The following PTPRM variants were observed in gnomAD, a reference collection of about 807,000 sequenced individuals.
PTPRM encodes receptor-type tyrosine-protein phosphatase mu.
A neutral mutation model predicts 186.7 loss-of-function variants in PTPRM; 47 were observed. That is an observed-to-expected ratio of 0.25 (90% CI 0.20 to 0.32). The LOEUF (loss-of-function observed/expected upper bound fraction) is 0.32. PTPRM is among the 10% of genes least tolerant of loss of function. The pLI is 1.00. For synonymous variants in PTPRM, 668 were observed against 674.9 expected (o/e 0.99, Z 0.16); for missense variants, 1,494 against 1,865.0 (o/e 0.80, Z 3.66).
intron 7 of PTPRM, among the ~76,000 whole-genome samples, chr18:7,962,648 T>C (rs113166752): frequency 7.9e-5 from 12 of 152,220 alleles, no homozygotes; most frequent in African/African-American, 2.9e-4. Flanking sequence ...AAGCCCAAAC[T>C]GCACCATGCC....
chr18:8,376,260 C>T, intron 25 of PTPRM, 60 bp downstream of exon 25: 1 of 1,584,944 alleles, frequency 6.3e-7, no homozygotes, highest in Non-Finnish European at 8.6e-7. Context: ...GCAGGGCCAC[C>T]TTTGGGGATG....
chr18:7,628,282 T>C (rs1043824152), intron 1 of PTPRM, among the ~76,000 whole-genome samples: 3 of 152,184 alleles, frequency 2.0e-5, no homozygotes, highest in African/African-American at 7.2e-5. Flanking sequence ...CACATTAATA[T>C]CAAAGCAGTA....
chr18:7,780,755 G>A lies in PTPRM; in HGVS notation c.196+6484G>A, dbSNP rs1036546173. On this transcript the variant is annotated intron_variant, in intron 2 of 32. Transcript: ENST00000580170. ...CATGGTGGGAAGTGCCAAGAGTGCTGAAGAGGAATCAGGATAAGGGCTTAG... is the reference window on the plus strand; with the variant it reads ...CATGGTGGGAAGTGCCAAGAGTGCTAAAGAGGAATCAGGATAAGGGCTTAG... Among the ~76,000 whole-genome samples, 10 of 152,286 alleles carry A rather than the reference G, an allele frequency of 6.6e-5. No homozygotes were observed. In the East Asian group the frequency reaches 1.5e-3, roughly 24 times the overall value.
At chr18:7,867,693 G>A (rs537324430) in intron 2 of PTPRM, among the ~76,000 whole-genome samples, 16 of 152,204 alleles carry the variant, frequency 1.1e-4, no homozygotes, top group South Asian at 8.3e-4. Flanking sequence ...TGCTCTTCCC[G>A]AGGACTATCT....
intron 14 of PTPRM, among the ~76,000 whole-genome samples, chr18:8,155,571 A>G (rs986517498): frequency 3.9e-5 from 6 of 152,258 alleles, no homozygotes; most frequent in Non-Finnish European, 7.3e-5. Context: ...GCAGCATATT[A>G]TCAAATATTT....
At chr18:7,956,191 T>C (rs943164239) in intron 7 of PTPRM, among the ~76,000 whole-genome samples, 1 of 152,208 alleles carries the variant, frequency 6.6e-6, no homozygotes, top group Non-Finnish European at 1.5e-5. Flanking sequence ...TGTTGAATTG[T>C]GTGCTGAGAT....
intron 31 of PTPRM, among the ~76,000 whole-genome samples, chr18:8,387,511 A>AG (rs1265158622): frequency 6.6e-6 from 1 of 151,718 alleles, no homozygotes; most frequent in Non-Finnish European, 1.5e-5. Flanking sequence ...GAGGAAAAAA[A>AG]AAAAAACACT....
intron 1 of PTPRM, among the ~76,000 whole-genome samples, chr18:7,610,884 C>G (rs1460340878): frequency 2.6e-5 from 4 of 152,162 alleles, no homozygotes; most frequent in Admixed American, 6.5e-5. Flanking sequence ...CAGGCAGGTC[C>G]TTCAGGAGGT....
At chr18:8,385,016 C>G (rs897034043) in intron 30 of PTPRM, among the ~76,000 whole-genome samples, 1 of 152,102 alleles carries the variant, frequency 6.6e-6, no homozygotes, top group Non-Finnish European at 1.5e-5. Flanking sequence ...GAATTTATAG[C>G]CAGCAGGCAG....
intron 17 of PTPRM, among the ~76,000 whole-genome samples, chr18:8,252,022 A>G (rs1013922605): frequency 4.6e-5 from 7 of 152,300 alleles, no homozygotes; most frequent in South Asian, 2.1e-4. Context: ...ATCTAATAGC[A>G]TTTCCCTGCA....
intron 7 of PTPRM, among the ~76,000 whole-genome samples, chr18:7,962,561 G>C (rs544034591): frequency 6.6e-6 from 1 of 152,116 alleles, no homozygotes; most frequent in Non-Finnish European, 1.5e-5. Flanking sequence ...GGAGTGATTC[G>C]TTTTAAATAT....
chr18:7,997,427 G>T (rs539659256), intron 7 of PTPRM, among the ~76,000 whole-genome samples: 33 of 152,220 alleles, frequency 2.2e-4, no homozygotes, highest in South Asian at 2.1e-3. Flanking sequence ...CTATGAAACT[G>T]CTTAAAGAAA....
At chr18:8,093,713 T>C (rs2090874560) in intron 11 of PTPRM, among the ~76,000 whole-genome samples, 1 of 152,180 alleles carries the variant, frequency 6.6e-6, no homozygotes, top group Non-Finnish European at 1.5e-5. Flanking sequence ...CCTGAATCAT[T>C]ATGTGATTGT....
At chr18:7,827,095 G>T in intron 2 of PTPRM, among the ~76,000 whole-genome samples, 1 of 152,114 alleles carries the variant, frequency 6.6e-6, no homozygotes. Flanking sequence ...GCAAGGCCCT[G>T]TCAAAAACAA....
intron 7 of PTPRM, among the ~76,000 whole-genome samples, chr18:8,057,061 G>A (rs960432720): frequency 1.3e-5 from 2 of 151,184 alleles, no homozygotes; most frequent in East Asian, 1.9e-4. Context: ...TATATTGAAT[G>A]AAATCTCATG....
At chr18:7,832,180 T>C (rs2045795289) in intron 2 of PTPRM, among the ~76,000 whole-genome samples, 1 of 152,212 alleles carries the variant, frequency 6.6e-6, no homozygotes, top group African/African-American at 2.4e-5. Flanking sequence ...GCTGTAATTT[T>C]AGTTTTTCGA....
chr18:7,592,638 A>G (rs2037156508), intron 1 of PTPRM, among the ~76,000 whole-genome samples: 1 of 152,220 alleles, frequency 6.6e-6, no homozygotes, highest in Non-Finnish European at 1.5e-5. Flanking sequence ...TCCCTTGCCC[A>G]GGGGCTATTA....
chr18:8,163,768 C>A (rs760447203), intron 14 of PTPRM, among the ~76,000 whole-genome samples: 35 of 152,188 alleles, frequency 2.3e-4, no homozygotes, highest in Non-Finnish European at 2.6e-4. Context: ...TGCAGTGTAA[C>A]ATGCTCCATT....
chr18:7,915,429 A>G (rs2050498770), intron 4 of PTPRM, among the ~76,000 whole-genome samples: 1 of 152,150 alleles, frequency 6.6e-6, no homozygotes, highest in East Asian at 1.9e-4. Context: ...TGATGTTACA[A>G]TTAAAGTAGT....
Sources: allele counts gnomAD v4.1 joint callset (sites outside exome capture counted in the v4.1 genomes callset), GRCh38; gene constraint gnomAD v4.1.1; transcripts MANE v1.5; gene names NCBI Gene and HGNC (gene_info 2026-07-23, HGNC 2026-07-21).